COLGALT1: variants seen among roughly 807,000 people sequenced by gnomAD.
COLGALT1 encodes procollagen galactosyltransferase 1.
In COLGALT1, 43 loss-of-function variants were observed where a neutral mutation model predicts 60.8. That is an observed-to-expected ratio of 0.71 (90% confidence interval 0.55 to 0.91). COLGALT1 has a LOEUF of 0.91. Among genes scored for constraint, COLGALT1 ranks in the 40% least tolerant of loss-of-function variants. The pLI is 0.00. For synonymous variants in COLGALT1, 369 were observed against 374.2 expected (o/e 0.99, Z 0.16); for missense variants, 845 against 880.0 (o/e 0.96, Z 0.50).
chr19:17,555,815 C>G lies in COLGALT1; in HGVS notation c.102C>G (p.Ala34=). The G allele has an allele frequency of 7.9e-7, 1 of 1,265,174 alleles. No individual in the cohort carries two copies. The highest frequency in any genetic ancestry group is 1.0e-6 in the Non-Finnish European group (1 of 1,004,304). The allele number at this position is 1,265,174 out of a possible 1,614,324, so 78.4% of individuals were successfully genotyped here. A position where few individuals can be genotyped will look rare whatever the true frequency, so the allele number is the denominator to read the frequency against. Residue 34 remains alanine, a synonymous_variant, in exon 1 of 12, where the codon GCC becomes GCG. Coordinates refer to ENST00000252599, the MANE Select transcript of COLGALT1 (RefSeq NM_024656.4). ...APLPPGAPPG[A]DAYFPEERWS... is the part of the protein sequence containing the mutation. ...TGCCGCCGGGGGCCCCGCCGGGCGC[C>G]GACGCCTACTTCCCCGAGGAGCGCT...
chr19:17,561,219 A>G (rs1317277314), intron 3 of COLGALT1, among the ~76,000 whole-genome samples: 1 of 151,938 alleles, frequency 6.6e-6, no homozygotes, highest in Non-Finnish European at 1.5e-5. Context: ...AAATAAATAC[A>G]TAAATAAATA....
At position 17,577,485 on chromosome 19, in the gene COLGALT1, G is replaced by A. The variant is rs768260655; in HGVS notation, c.1133+18G>A. 2.8e-6 allele frequency: 1 copy of A among 354,288 alleles called. No homozygotes were observed. Among genetic ancestry groups the A allele is most frequent in the Non-Finnish European group, 5.5e-6 (1 of 182,366 alleles). The allele number at this position is 354,288 out of a possible 1,614,324, so 21.9% of individuals were successfully genotyped here. A position where few individuals can be genotyped will look rare whatever the true frequency, so the allele number is the denominator to read the frequency against. ...GACGGCAAGTGAGTCCGAGGCCTGG[G>A]GGTGGGGGGGCGGGTCCGCACGTGG... On this transcript the variant is annotated intron_variant, in intron 8 of 11. Coordinates refer to ENST00000252599, the MANE Select transcript of COLGALT1 (RefSeq NM_024656.4).
At position 17,581,583 on chromosome 19, in the gene COLGALT1, T is replaced by C. The variant is rs746284150; in HGVS notation, c.*139T>C. 2 of 1,147,496 alleles carry C rather than the reference T, an allele frequency of 1.7e-6. No homozygotes were observed. The highest frequency in any genetic ancestry group is 2.4e-6 in the Non-Finnish European group (2 of 832,900). The allele number at this position is 1,147,496 out of a possible 1,614,324, so 71.1% of individuals were successfully genotyped here. On this transcript the variant is annotated 3_prime_UTR_variant, in exon 12 of 12. Coordinates refer to ENST00000252599, the MANE Select transcript of COLGALT1 (RefSeq NM_024656.4). ...GGGGTGGTGTCCAGCCAGCTCTTGCTAAGCAATCACGTGCACACAGGCAGC... is the reference window on the plus strand; with the variant it reads ...GGGGTGGTGTCCAGCCAGCTCTTGCCAAGCAATCACGTGCACACAGGCAGC...
In COLGALT1 at chr19:17,581,233, C is replaced by T. The variant is rs769807437; in HGVS notation, c.1658C>T (p.Pro553Leu). Reference sequence around the variant, plus strand: ...AACCTGCATGCCTTCTCTGTGGAGCCGCTGCTCATCTACCCCACACACTAC... The same window carrying T: ...AACCTGCATGCCTTCTCTGTGGAGCTGCTGCTCATCTACCCCACACACTAC... The part of the protein sequence containing the change: ...LRNLHAFSVE[P>L]LLIYPTHYTG... Residue 553 changes from proline to leucine, a missense_variant, in exon 12 of 12, where the codon CCG becomes CTG. Transcript: ENST00000252599. 13 of 1,610,400 alleles carry T rather than the reference C, an allele frequency of 8.1e-6. No homozygotes were observed. Among genetic ancestry groups the T allele is most frequent in the Middle Eastern group, 1.6e-4 (1 of 6,070 alleles).
At chr19:17,565,255 A>G (rs1283352744) in intron 3 of COLGALT1, among the ~76,000 whole-genome samples, 4 of 151,894 alleles carry the variant, frequency 2.6e-5, no homozygotes, top group Non-Finnish European at 5.9e-5. Context: ...TCCTGGGTTC[A>G]AGCGATTCTC....
In COLGALT1 at chr19:17,560,480, C is replaced by T. The variant is rs190055715; in HGVS notation, c.489+15C>T. ...ATTACATCCTGGTAAGTTTCTCAGCCGGCCGGATATGGATCACAGGCAGGT... is the reference window on the plus strand; with the variant it reads ...ATTACATCCTGGTAAGTTTCTCAGCTGGCCGGATATGGATCACAGGCAGGT... On this transcript the variant is annotated intron_variant, in intron 3 of 11. Transcript: ENST00000252599. 654 of 1,606,378 alleles carry T rather than the reference C, an allele frequency of 4.1e-4. No individual in the cohort carries two copies. The highest frequency in any genetic ancestry group is 9.5e-4 in the Admixed American group (57 of 59,996).
chr19:17,581,027 T>C, intron 11 of COLGALT1, 122 bp downstream of exon 11: 1 of 1,400,468 alleles, frequency 7.1e-7, no homozygotes, highest in Non-Finnish European at 9.9e-7. Flanking sequence ...CTCCCTCCGT[T>C]TGCCCCCTCG....
At chr19:17,558,059 T>C (rs1281819763) in intron 1 of COLGALT1, among the ~76,000 whole-genome samples, 1 of 152,106 alleles carries the variant, frequency 6.6e-6, no homozygotes, top group African/African-American at 2.4e-5. Context: ...TGCCTCGGCC[T>C]CCTGAGTAGC....
chr19:17,568,823 C>T (rs938132363), intron 5 of COLGALT1, 110 bp downstream of exon 5: 17 of 1,075,402 alleles, frequency 1.6e-5, no homozygotes, highest in African/African-American at 6.2e-5. Context: ...AACAATGCAG[C>T]GCAGGGCTGA....
intron 1 of COLGALT1, chr19:17,556,466 C>T (rs1384360297): frequency 1.0e-5 from 9 of 885,718 alleles, no homozygotes; most frequent in Non-Finnish European, 1.2e-5. Context: ...TGGCTCCAGG[C>T]CCCAGTCAAA....
At chr19:17,568,972 T>G (rs1052594350) in intron 5 of COLGALT1, among the ~76,000 whole-genome samples, 3 of 152,140 alleles carry the variant, frequency 2.0e-5, no homozygotes, top group Non-Finnish European at 4.4e-5. Flanking sequence ...CTTATGCCTG[T>G]AATCCCAACA....
intron 5 of COLGALT1, among the ~76,000 whole-genome samples, chr19:17,570,542 T>C (rs1234518030): frequency 2.6e-5 from 4 of 152,026 alleles, no homozygotes; most frequent in Non-Finnish European, 5.9e-5. Flanking sequence ...CTACGGTGCC[T>C]GGCCAACAAT....
chr19:17,556,227 C>G (rs2076210312), intron 1 of COLGALT1, among the ~76,000 whole-genome samples: 1 of 152,210 alleles, frequency 6.6e-6, no homozygotes, highest in Non-Finnish European at 1.5e-5. Context: ...ACAACACAAG[C>G]GGGACCGAGT....
At chr19:17,581,065 C>A (rs2144852329) in intron 11 of COLGALT1, 112 bp from the exon 12 acceptor site, 1 of 1,403,406 alleles carries the variant, frequency 7.1e-7, no homozygotes, top group Non-Finnish European at 9.8e-7. Flanking sequence ...GTATCCCCTG[C>A]ACACTTACGT....
In COLGALT1 at chr19:17,579,614, G is replaced by T. The variant is rs201696003; in HGVS notation, c.1394+5G>T. The T allele has an allele frequency of 6.2e-7, 1 of 1,612,070 alleles. No individual in the cohort carries two copies. Among genetic ancestry groups the T allele is most frequent in the Non-Finnish European group, 8.5e-7 (1 of 1,178,932 alleles). ...GGGCCTGGACTGGGACCTCATGTGA[G>T]TGGGGGTCTGAGGATGGGGTGAAGC... On this transcript the variant is annotated splice_donor_5th_base_variant and intron_variant, in intron 10 of 11. Coordinates refer to ENST00000252599, the MANE Select transcript of COLGALT1 (RefSeq NM_024656.4).
At chr19:17,581,140 C>A in intron 11 of COLGALT1, 37 bp from the exon 12 acceptor site, 1 of 1,595,130 alleles carries the variant, frequency 6.3e-7, no homozygotes, top group Non-Finnish European at 8.5e-7. Context: ...TCCCCTGAAG[C>A]CATTGCTGCC....
Position 17,560,334 on chromosome 19 carries a change from C to A in COLGALT1, c.372-14C>A. 1.2e-6 allele frequency: 2 copies of A among 1,607,650 alleles called. No homozygotes were observed. Among genetic ancestry groups the A allele is most frequent in the Non-Finnish European group, 1.7e-6 (2 of 1,174,816 alleles). Reference sequence around the variant, plus strand: ...GTGCCTTGTGATGTCCACATCACAGCTGCCTCCCCATAGGTCCTACCCGGA... The same window carrying A: ...GTGCCTTGTGATGTCCACATCACAGATGCCTCCCCATAGGTCCTACCCGGA... On this transcript the variant is annotated splice_polypyrimidine_tract_variant and intron_variant, in intron 2 of 11. Transcript: ENST00000252599.
chr19:17,573,315 C>G (rs1402820833), intron 6 of COLGALT1, among the ~76,000 whole-genome samples: 2 of 151,994 alleles, frequency 1.3e-5, no homozygotes, highest in Non-Finnish European at 2.9e-5. Context: ...ATCACAAGGT[C>G]AAAAGATGGA....
rs533405537 is a variant in COLGALT1 at position 17,580,835 on chromosome 19, G to C, written c.1531G>C (p.Ala511Pro). 2 of 1,613,932 alleles carry C rather than the reference G, an allele frequency of 1.2e-6. No individual in the cohort carries two copies. Among genetic ancestry groups the C allele is most frequent in the African/African-American group, 2.7e-5 (2 of 74,954 alleles). ...ISLQGARKLL[A>P]AEPLSKMLPV... ...CCTGCAAGGCGCCCGCAAACTGCTG[G>C]CTGCTGAGCCGCTCTCCAAGATGCT... Residue 511 changes from alanine to proline, a missense_variant, in exon 11 of 12, where the codon GCT becomes CCT. Coordinates refer to ENST00000252599, the MANE Select transcript of COLGALT1 (RefSeq NM_024656.4).
Sources: allele counts gnomAD v4.1 joint callset (sites outside exome capture counted in the v4.1 genomes callset), GRCh38; gene constraint gnomAD v4.1.1; transcripts MANE v1.5; gene names NCBI Gene and HGNC (gene_info 2026-07-23, HGNC 2026-07-21).